Variants in PCSK2 observed in about 807,000 individuals in gnomAD.
PCSK2 encodes the protein proprotein convertase subtilisin/kexin type 2.
In PCSK2, 14 loss-of-function variants were observed where a neutral mutation model predicts 69.7. That is an observed-to-expected ratio of 0.20 (90% confidence interval 0.13 to 0.31). PCSK2 has a LOEUF of 0.31. Among genes scored for constraint, PCSK2 ranks in the 10% least tolerant of loss-of-function variants. PCSK2 has a pLI of 1.00. For missense variants in PCSK2, 544 were observed against 842.5 expected (o/e 0.65, Z 4.39); for synonymous variants, 307 against 320.7 (o/e 0.96, Z 0.46).
chr20:17,252,421 T>C (rs879433336), intron 1 of PCSK2, among the ~76,000 whole-genome samples: 1 of 152,244 alleles, frequency 6.6e-6, no homozygotes, highest in Non-Finnish European at 1.5e-5. Flanking sequence ...ATAACTCTGC[T>C]ACAGCACATT....
At chr20:17,239,807 G>T (rs1325522020) in intron 1 of PCSK2, among the ~76,000 whole-genome samples, 1 of 140,756 alleles carries the variant, frequency 7.1e-6, no homozygotes, top group African/African-American at 2.6e-5. Flanking sequence ...GATTCCAATA[G>T]ATAGATGAAA....
chr20:17,350,329 T>C (rs143099242), intron 2 of PCSK2, among the ~76,000 whole-genome samples: 7 of 151,662 alleles, frequency 4.6e-5, no homozygotes, highest in African/African-American at 1.7e-4. Flanking sequence ...CATCATAGAT[T>C]AATAAACCAG....
intron 11 of PCSK2, among the ~76,000 whole-genome samples, chr20:17,474,624 G>A (rs1171370635): frequency 6.6e-6 from 1 of 152,102 alleles, no homozygotes; most frequent in Non-Finnish European, 1.5e-5. Flanking sequence ...TTCCCCATGA[G>A]CGTGGGGCTC....
intron 10 of PCSK2, 69 bp downstream of exon 10, chr20:17,456,517 T>C: frequency 1.2e-6 from 1 of 830,164 alleles, no homozygotes; most frequent in East Asian, 2.4e-5. Context: ...TCTGCCCACA[T>C]GCCAGGTGTC....
intron 2 of PCSK2, among the ~76,000 whole-genome samples, chr20:17,279,687 T>C (rs972862974): frequency 1.3e-5 from 2 of 150,508 alleles, no homozygotes; most frequent in Non-Finnish European, 2.9e-5. Flanking sequence ...CTCCAGAGGC[T>C]GAGGCAGGAG....
chr20:17,290,923 G>A (rs1057487019), intron 2 of PCSK2, among the ~76,000 whole-genome samples: 8 of 151,910 alleles, frequency 5.3e-5, no homozygotes, highest in Non-Finnish European at 1.2e-4. Flanking sequence ...CTTTCCTGAG[G>A]AGCCCACCCC....
chr20:17,406,665 C>G (rs879574719), intron 5 of PCSK2, among the ~76,000 whole-genome samples: 1 of 152,158 alleles, frequency 6.6e-6, no homozygotes, highest in South Asian at 2.1e-4. Flanking sequence ...CTCACTCAGA[C>G]AGACCCCAGT....
At chr20:17,376,459 A>C (rs189064049) in intron 5 of PCSK2, among the ~76,000 whole-genome samples, 60 of 152,338 alleles carry the variant, frequency 3.9e-4, no homozygotes, top group African/African-American at 1.3e-3. Context: ...GGTGTACCCC[A>C]GTCTGGAGAG....
intron 2 of PCSK2, among the ~76,000 whole-genome samples, chr20:17,272,840 C>G (rs1390346728): frequency 6.6e-6 from 1 of 152,048 alleles, no homozygotes; most frequent in Non-Finnish European, 1.5e-5. Flanking sequence ...GGCTTAACTC[C>G]AACACTCTGA....
At chr20:17,403,709 T>C (rs73259751) in intron 5 of PCSK2, among the ~76,000 whole-genome samples, 314 of 152,364 alleles carry the variant, frequency 2.1e-3, no homozygotes, top group African/African-American at 7.3e-3. Context: ...TGCGGTTTCT[T>C]GTTCTGAGTT....
chr20:17,312,733 G>A (rs1434113697), intron 2 of PCSK2, among the ~76,000 whole-genome samples: 2 of 152,080 alleles, frequency 1.3e-5, no homozygotes, highest in African/African-American at 4.8e-5. Context: ...CTGTAGTGGT[G>A]GAGAAGCGAG....
intron 2 of PCSK2, among the ~76,000 whole-genome samples, chr20:17,321,002 T>C (rs913336600): frequency 6.6e-6 from 1 of 152,214 alleles, no homozygotes; most frequent in Non-Finnish European, 1.5e-5. Flanking sequence ...CAAACAGCCC[T>C]GTCGGTTATT....
At chr20:17,448,431 T>G (rs930096994) in intron 8 of PCSK2, among the ~76,000 whole-genome samples, 1 of 152,218 alleles carries the variant, frequency 6.6e-6, no homozygotes, top group Non-Finnish European at 1.5e-5. Flanking sequence ...ATTCTTTTTA[T>G]ATTATGAGCA....
chr20:17,232,401 A>G lies in PCSK2; in HGVS notation c.177+4919A>G, dbSNP rs372875271. Reference sequence around the variant, plus strand: ...TGGTATGTAGTAGTGTCTCATCGTGACTTTAATTTGAATTTCCCTGATTAT... The same window carrying G: ...TGGTATGTAGTAGTGTCTCATCGTGGCTTTAATTTGAATTTCCCTGATTAT... On this transcript the variant is annotated intron_variant, in intron 1 of 11. Coordinates refer to ENST00000262545, the MANE Select transcript of PCSK2 (RefSeq NM_002594.5). Among the ~76,000 whole-genome samples the G allele has an allele frequency of 2.0e-5, 3 of 152,290 alleles. No homozygotes were observed. The South Asian group carries it at 6.2e-4, about 32-fold the overall frequency.
intron 2 of PCSK2, among the ~76,000 whole-genome samples, chr20:17,338,722 G>A (rs1243660800): frequency 1.3e-5 from 2 of 152,188 alleles, no homozygotes; most frequent in South Asian, 2.1e-4. Flanking sequence ...TTCCCAGGGA[G>A]AGGGATGGTA....
intron 3 of PCSK2, among the ~76,000 whole-genome samples, chr20:17,359,509 C>T (rs778890030): frequency 3.0e-4 from 45 of 152,298 alleles, no homozygotes; most frequent in Non-Finnish European, 6.0e-4. Context: ...TTCATAAGCC[C>T]TTCAGCAAGG....
intron 4 of PCSK2, among the ~76,000 whole-genome samples, chr20:17,368,069 C>A (rs894475436): frequency 8.6e-5 from 13 of 151,286 alleles, no homozygotes; most frequent in Admixed American, 1.3e-4. Context: ...ATTGTATAAC[C>A]GGAAAAAAAA....
intron 4 of PCSK2, among the ~76,000 whole-genome samples, chr20:17,366,665 C>T (rs1600525336): frequency 1.3e-5 from 2 of 152,268 alleles, no homozygotes; most frequent in Non-Finnish European, 2.9e-5. Context: ...ATTTTCCATT[C>T]TTCAGTCCAT....
In PCSK2 at chr20:17,429,390, A is replaced by G. The variant is rs935611793; in HGVS notation, c.621-45A>G. On this transcript the variant is annotated intron_variant, in intron 6 of 11. Transcript: ENST00000262545. ...TTGAGCCCATGAGAGATCTAGCCAA[A>G]TTCGTTTCACTGCATATCTAATGTG... is the stretch of plus-strand genomic sequence containing the variant. 2.7e-6 allele frequency: 4 copies of G among 1,459,828 alleles called. No homozygotes were observed. In the African/African-American group the frequency reaches 5.6e-5, roughly 20 times the overall value. The allele number at this position is 1,459,828 out of a possible 1,614,324, so 90.4% of individuals were successfully genotyped here. A position where few individuals can be genotyped will look rare whatever the true frequency, so the allele number is the denominator to read the frequency against.
Sources: allele counts gnomAD v4.1 joint callset (sites outside exome capture counted in the v4.1 genomes callset), GRCh38; gene constraint gnomAD v4.1.1; transcripts MANE v1.5; gene names NCBI Gene and HGNC (gene_info 2026-07-23, HGNC 2026-07-21).